The following CNTN4 variants were observed in gnomAD, a reference collection of about 807,000 sequenced individuals.
CNTN4 encodes contactin 4, also known as contactin-4.
CNTN4 carries 77 observed loss-of-function variants against 122.5 expected under a neutral mutation model. The ratio of observed to expected loss-of-function variants is 0.63; its 90% CI spans 0.52 to 0.76. The LOEUF is 0.76. Ranked by LOEUF, CNTN4 falls within the 30% of genes least tolerant of loss-of-function variation. The probability of loss-of-function intolerance (pLI) is 0.00; values close to 1 mark genes in which losing one functional copy is unlikely to be tolerated. For missense variants in CNTN4, 1,256 were observed against 1,259.1 expected (o/e 1.00, Z 0.04); for synonymous variants, 512 against 447.0 (o/e 1.15, Z -1.83).
At chr3:2,302,864 C>T (rs1257538221) in intron 2 of CNTN4, among the ~76,000 whole-genome samples, 1 of 152,034 alleles carries the variant, frequency 6.6e-6, no homozygotes, top group Non-Finnish European at 1.5e-5. Flanking sequence ...ACTGTATGTG[C>T]TTCATTAATA....
At chr3:2,265,410 T>C (rs2041003292) in intron 2 of CNTN4, among the ~76,000 whole-genome samples, 1 of 152,102 alleles carries the variant, frequency 6.6e-6, no homozygotes, top group African/African-American at 2.4e-5. Context: ...TTTTGTTCCA[T>C]TGGTCCATTT....
chr3:2,903,061 A>G, intron 12 of CNTN4, 56 bp downstream of exon 12: 2 of 1,558,436 alleles, frequency 1.3e-6, no homozygotes, highest in Non-Finnish European at 8.8e-7. Context: ...TCACTAAACT[A>G]ACTTGTTCTT....
At chr3:2,968,771 C>T (rs1029702034) in intron 13 of CNTN4, among the ~76,000 whole-genome samples, 24 of 152,130 alleles carry the variant, frequency 1.6e-4, no homozygotes, top group African/African-American at 5.8e-4. Flanking sequence ...AGGAGGTGGA[C>T]AGTTATAATC....
At position 2,660,117 on chromosome 3, in the gene CNTN4, G is replaced by C. The variant is rs187344377; in HGVS notation, c.56-76098G>C. On this transcript the variant is annotated intron_variant, in intron 4 of 24. Coordinates refer to ENST00000418658, the MANE Select transcript of CNTN4 (RefSeq NM_175607.3). ...TACTCTGACTGTGAATAATCTATGT[G>C]AGGAGTGACCTCAGTTCATTTGAAA... Among the ~76,000 whole-genome samples, 377 of 152,140 alleles carry C rather than the reference G, an allele frequency of 2.5e-3. 3 individuals carry two copies. Among genetic ancestry groups the C allele is most frequent in the African/African-American group, 8.4e-3 (348 of 41,490 alleles).
chr3:2,800,716 C>T (rs2092327337), intron 6 of CNTN4, among the ~76,000 whole-genome samples: 1 of 152,182 alleles, frequency 6.6e-6, no homozygotes, highest in African/African-American at 2.4e-5. Flanking sequence ...TAGAGGTCCC[C>T]TCTCTGTCCC....
In CNTN4 at chr3:2,358,760, A is replaced by G. The variant is rs183906872; in HGVS notation, c.-89+19527A>G. On this transcript the variant is annotated intron_variant, in intron 3 of 24. Transcript: ENST00000418658. Reference sequence around the variant, plus strand: ...TATTATTAATGTCAATTTATTGGTTATATATAATGAACTACTATGCTGGAG... The same window carrying G: ...TATTATTAATGTCAATTTATTGGTTGTATATAATGAACTACTATGCTGGAG... 1.3e-4 allele frequency among the ~76,000 whole-genome samples: 20 copies of G among 152,316 alleles called. No homozygotes were observed. In the East Asian group the frequency reaches 3.7e-3, roughly 28 times the overall value.
intron 3 of CNTN4, among the ~76,000 whole-genome samples, chr3:2,356,220 A>G (rs2044866326): frequency 6.6e-6 from 1 of 152,194 alleles, no homozygotes. Context: ...CATAAAGTGA[A>G]AGCAATTTTA....
At chr3:2,965,721 T>A (rs1162141611) in intron 13 of CNTN4, among the ~76,000 whole-genome samples, 1 of 152,206 alleles carries the variant, frequency 6.6e-6, no homozygotes, top group African/African-American at 2.4e-5. Flanking sequence ...GCTTCCTATG[T>A]GACTGGCAAG....
intron 4 of CNTN4, among the ~76,000 whole-genome samples, chr3:2,675,643 A>C (rs1429425501): frequency 1.3e-5 from 2 of 152,214 alleles, no homozygotes; most frequent in Non-Finnish European, 2.9e-5. Context: ...CACATAGTAC[A>C]TGCTTAGTAA....
chr3:3,055,678 C>A (rs184422003), intron 24 of CNTN4, among the ~76,000 whole-genome samples: 271 of 152,216 alleles, frequency 1.8e-3, no homozygotes, highest in African/African-American at 6.2e-3. Flanking sequence ...TTTCTCTGGG[C>A]GCAAATTACC....
In CNTN4 at chr3:2,902,837, A is replaced by G. The variant is rs893619474; in HGVS notation, c.1078-39A>G. 4 of 1,600,194 alleles carry G rather than the reference A, an allele frequency of 2.5e-6. No individual in the cohort carries two copies. In the African/African-American group the frequency reaches 4.0e-5, roughly 16 times the overall value. ...AAAATTGCCTTAAAGTCTCAGTTGT[A>G]GAAGGTCATTGTTTTTATGTTCCTC... On this transcript the variant is annotated intron_variant, in intron 11 of 24. Coordinates refer to ENST00000418658, the MANE Select transcript of CNTN4 (RefSeq NM_175607.3).
intron 2 of CNTN4, among the ~76,000 whole-genome samples, chr3:2,226,483 G>A (rs1365299158): frequency 6.6e-6 from 1 of 152,134 alleles, no homozygotes; most frequent in African/African-American, 2.4e-5. Context: ...CTATGGGGAA[G>A]TCAAATCTTC....
intron 13 of CNTN4, among the ~76,000 whole-genome samples, chr3:2,939,428 C>T (rs898770084): frequency 2.0e-5 from 3 of 151,862 alleles, no homozygotes; most frequent in African/African-American, 7.3e-5. Flanking sequence ...TACAATTCTC[C>T]CTAGAATAAG....
chr3:2,775,627 G>A (rs2091286022), intron 6 of CNTN4, among the ~76,000 whole-genome samples: 1 of 151,938 alleles, frequency 6.6e-6, no homozygotes, highest in African/African-American at 2.4e-5. Flanking sequence ...TACCATGTTG[G>A]CCAGGCTGGT....
At chr3:2,449,887 A>G (rs2048763124) in intron 3 of CNTN4, among the ~76,000 whole-genome samples, 2 of 152,246 alleles carry the variant, frequency 1.3e-5, no homozygotes, top group Middle Eastern at 6.8e-3. Flanking sequence ...TGTGTTATCT[A>G]AAATAGTTAC....
chr3:2,727,509 T>G (rs866594360), intron 4 of CNTN4, among the ~76,000 whole-genome samples: 1 of 152,218 alleles, frequency 6.6e-6, no homozygotes, highest in Admixed American at 6.5e-5. Flanking sequence ...GTTCCTGGAA[T>G]GTGTCAAGGT....
intron 3 of CNTN4, among the ~76,000 whole-genome samples, chr3:2,548,813 G>C (rs1575946649): frequency 6.6e-6 from 1 of 152,172 alleles, no homozygotes; most frequent in East Asian, 1.9e-4. Context: ...CATGAGCATG[G>C]AATGTTTTTC....
intron 8 of CNTN4, among the ~76,000 whole-genome samples, chr3:2,877,479 G>A (rs1427528907): frequency 6.6e-6 from 1 of 152,146 alleles, no homozygotes; most frequent in African/African-American, 2.4e-5. Flanking sequence ...TATGTTAGGT[G>A]TTTTTATTTA....
Position 2,407,148 on chromosome 3 carries a change from C to T in CNTN4, c.-89+67915C>T, listed in dbSNP as rs183584125. Reference sequence around the variant, plus strand: ...CAACAGCGGACAAGGGAAAATTTAGCTCGTGTTATTTTGAAAGTGGCAGGA... The same window carrying T: ...CAACAGCGGACAAGGGAAAATTTAGTTCGTGTTATTTTGAAAGTGGCAGGA... On this transcript the variant is annotated intron_variant, in intron 3 of 24. Coordinates refer to ENST00000418658, the MANE Select transcript of CNTN4 (RefSeq NM_175607.3). Among the ~76,000 whole-genome samples, 274 of 152,182 alleles carry T rather than the reference C, an allele frequency of 1.8e-3. 1 individual carries two copies. Among genetic ancestry groups the T allele is most frequent in the African/African-American group, 6.2e-3 (256 of 41,510 alleles).
Sources: allele counts gnomAD v4.1 joint callset (sites outside exome capture counted in the v4.1 genomes callset), GRCh38; gene constraint gnomAD v4.1.1; transcripts MANE v1.5; gene names NCBI Gene and HGNC (gene_info 2026-07-23, HGNC 2026-07-21).